Variants in RPS6KA2 observed in about 807,000 individuals in gnomAD.
RPS6KA2 encodes the protein ribosomal protein S6 kinase A2, also known as ribosomal protein S6 kinase alpha-2.
A neutral mutation model predicts 91.8 loss-of-function variants in RPS6KA2; 42 were observed. The ratio of observed to expected loss-of-function variants is 0.46; its 90% CI spans 0.36 to 0.59. The LOEUF (loss-of-function observed/expected upper bound fraction) is 0.59, where lower values mean the gene tolerates loss of function less well. RPS6KA2 is among the 20% of genes least tolerant of loss of function. The pLI is 0.00. For missense variants in RPS6KA2, 798 were observed against 978.5 expected (o/e 0.82, Z 2.46); for synonymous variants, 414 against 393.6 (o/e 1.05, Z -0.61).
intron 2 of RPS6KA2, among the ~76,000 whole-genome samples, chr6:166,698,892 G>A (rs1433250328): frequency 6.6e-6 from 1 of 152,206 alleles, no homozygotes; most frequent in African/African-American, 2.4e-5. Context: ...AAGTTTCCAG[G>A]ATGACAAAGT....
intron 11 of RPS6KA2, among the ~76,000 whole-genome samples, chr6:166,461,499 GGAGAGA>G (rs3830733): frequency 2.3e-5 from 3 of 129,790 alleles, no homozygotes; most frequent in East Asian, 4.4e-4. Flanking sequence ...GGAGAGAGGT[GGAGAGA>G]GAGAGAGAGA....
chr6:166,862,703 C>CGGGGGGGGGGGGG (rs34038936), upstream of RPS6KA2: 1 of 123,152 alleles, frequency 8.1e-6, no homozygotes, highest in African/African-American at 4.0e-5. Flanking sequence ...GCTGGGGAGG[C>CGGGGGGGGGGGGG]GGGGGGGGGG....
At chr6:166,858,678 C>T (rs1379130625) in intron 1 of RPS6KA2, among the ~76,000 whole-genome samples, 1 of 152,332 alleles carries the variant, frequency 6.6e-6, no homozygotes, top group Middle Eastern at 3.4e-3. Flanking sequence ...CCCATGAGAA[C>T]GGAACCAAAT....
chr6:166,499,104 C>G (rs1425246044), intron 7 of RPS6KA2, among the ~76,000 whole-genome samples: 2 of 152,162 alleles, frequency 1.3e-5, no homozygotes, highest in Non-Finnish European at 2.9e-5. Context: ...CCTGCCCTGC[C>G]CCGACAACAC....
At chr6:166,713,920 G>A (rs1345657934) in intron 2 of RPS6KA2, among the ~76,000 whole-genome samples, 2 of 152,184 alleles carry the variant, frequency 1.3e-5, no homozygotes, top group Admixed American at 6.5e-5. Context: ...TGTCACCCAC[G>A]TTAACCTATC....
intron 2 of RPS6KA2, among the ~76,000 whole-genome samples, chr6:166,682,846 C>G (rs1337527881): frequency 6.6e-6 from 1 of 152,236 alleles, no homozygotes; most frequent in Non-Finnish European, 1.5e-5. Context: ...TGACCACATC[C>G]TAAGCCCTTT....
At chr6:166,758,389 T>C (rs750533652) in intron 2 of RPS6KA2, among the ~76,000 whole-genome samples, 20 of 152,218 alleles carry the variant, frequency 1.3e-4, no homozygotes, top group Non-Finnish European at 1.0e-4. Context: ...ATTTGCTTTG[T>C]TTTCCTGATC....
intron 2 of RPS6KA2, among the ~76,000 whole-genome samples, chr6:166,841,410 C>G (rs78237705): frequency 0.018 from 2,693 of 152,372 alleles, 93 homozygotes; most frequent in African/African-American, 0.06. Flanking sequence ...TGCACCTGCT[C>G]TTTCAAAGAC....
chr6:166,424,661 T>A (rs1778845990), intron 16 of RPS6KA2, among the ~76,000 whole-genome samples: 1 of 152,026 alleles, frequency 6.6e-6, no homozygotes, highest in Non-Finnish European at 1.5e-5. Flanking sequence ...GCCTGCACAG[T>A]GGGTGTGATC....
At chr6:166,830,138 AAAAG>A (rs200116355) in intron 2 of RPS6KA2, among the ~76,000 whole-genome samples, 24,193 of 128,470 alleles carry the variant, frequency 0.19, 2,308 homozygotes, top group African/African-American at 0.31. Context: ...AAAAAAAAAA[AAAAG>A]AAAGAAAGAA....
intron 2 of RPS6KA2, among the ~76,000 whole-genome samples, chr6:166,637,118 C>A (rs1252865371): frequency 6.6e-6 from 1 of 152,152 alleles, no homozygotes; most frequent in Non-Finnish European, 1.5e-5. Flanking sequence ...TGTGGGGCCC[C>A]TTGGGGAGTG....
intron 2 of RPS6KA2, among the ~76,000 whole-genome samples, chr6:166,857,771 C>T (rs1395542677): frequency 2.6e-5 from 4 of 152,226 alleles, no homozygotes; most frequent in African/African-American, 9.6e-5. Flanking sequence ...ATGGAATCCG[C>T]TCTTCTCCCC....
intron 2 of RPS6KA2, among the ~76,000 whole-genome samples, chr6:166,846,270 C>A (rs1270635486): frequency 6.6e-6 from 1 of 152,012 alleles, no homozygotes; most frequent in East Asian, 1.9e-4. Flanking sequence ...CAGTTGAATT[C>A]TATCAGACAT....
In RPS6KA2 at chr6:166,448,358, G is replaced by A. The variant is rs1779745397; in HGVS notation, c.1332+366C>T. Among the ~76,000 whole-genome samples the A allele has an allele frequency of 6.6e-6, 1 of 152,098 alleles. No homozygotes were observed. The highest frequency in any genetic ancestry group is 1.5e-5 in the Non-Finnish European group (1 of 68,034). Reference sequence around the variant, plus strand: ...TGGTGTATGTCATACACCAAGCTACGAAAGGTGCTCAGTCCCTGCGTGGTA... The same window carrying A: ...TGGTGTATGTCATACACCAAGCTACAAAAGGTGCTCAGTCCCTGCGTGGTA... On this transcript the variant is annotated intron_variant, in intron 14 of 20. Coordinates refer to ENST00000265678, the MANE Select transcript of RPS6KA2 (RefSeq NM_021135.6). This position sits in a 1 kb window ranked among gnomAD's most constrained non-coding sequence, Gnocchi z 4.7.
chr6:166,566,516 G>A (rs1784510250), intron 1 of RPS6KA2, among the ~76,000 whole-genome samples: 1 of 152,222 alleles, frequency 6.6e-6, no homozygotes, highest in South Asian at 2.1e-4. Flanking sequence ...ACCAGGCTCA[G>A]GCTTCCAGGC....
chr6:166,657,278 G>A (rs372741996), intron 2 of RPS6KA2, among the ~76,000 whole-genome samples: 1 of 151,958 alleles, frequency 6.6e-6, no homozygotes, highest in African/African-American at 2.4e-5. Context: ...CCTTGTGAGG[G>A]GTAAATCAGT....
intron 1 of RPS6KA2, among the ~76,000 whole-genome samples, chr6:166,605,274 G>A (rs1056201820): frequency 6.6e-6 from 1 of 152,182 alleles, no homozygotes; most frequent in Non-Finnish European, 1.5e-5. Flanking sequence ...ACAGGTAGAT[G>A]ACATCAAGTC....
chr6:166,775,398 A>AACACTCCGAGGCG (rs1278452035), intron 2 of RPS6KA2, among the ~76,000 whole-genome samples: 2 of 152,130 alleles, frequency 1.3e-5, no homozygotes, highest in East Asian at 3.9e-4. Flanking sequence ...AGCAAGTGAG[A>AACACTCCGAGGCG]ACACTCCGAG....
chr6:166,573,158 T>C lies in RPS6KA2; in HGVS notation c.100-34374A>G, dbSNP rs146113148. Reference sequence around the variant, plus strand: ...GATCTTTGGTCTGTGGGAAGCCACATCAGATGCAGAAAGTCCATTTCAAAG... The same window carrying C: ...GATCTTTGGTCTGTGGGAAGCCACACCAGATGCAGAAAGTCCATTTCAAAG... On this transcript the variant is annotated intron_variant, in intron 1 of 20. Transcript: ENST00000265678. Among the ~76,000 whole-genome samples the C allele has an allele frequency of 4.1e-3, 619 of 152,174 alleles. 4 individuals are homozygous for C. Among genetic ancestry groups the C allele is most frequent in the African/African-American group, 0.014 (592 of 41,538 alleles).
Sources: gnomAD v4.1 joint callset for allele counts (sites outside exome capture counted in the v4.1 genomes callset) on GRCh38, gnomAD v4.1.1 for gene constraint, Gnocchi (gnomAD v3.1) non-coding constraint, MANE v1.5 for transcripts, NCBI Gene and HGNC (gene_info 2026-07-23, HGNC 2026-07-21) for gene names.